ITGAE: variants seen among roughly 807,000 people sequenced by gnomAD.
ITGAE encodes the protein integrin alpha-E.
A neutral mutation model predicts 136.5 loss-of-function variants in ITGAE; 99 were observed. That is an observed-to-expected ratio of 0.73 (90% CI 0.62 to 0.86). ITGAE has a LOEUF of 0.86. Ranked by LOEUF, ITGAE falls within the 40% of genes least tolerant of loss-of-function variation. ITGAE has a pLI of 0.00. For missense variants in ITGAE, 1,447 were observed against 1,515.3 expected, an observed-to-expected ratio of 0.95 and a Z score of 0.75; for synonymous variants, 613 against 591.8, an observed-to-expected ratio of 1.04 and a Z score of -0.52.
intron 12 of ITGAE, chr17:3,754,803 T>A: frequency 3.9e-6 from 1 of 259,076 alleles, no homozygotes. Context: ...GGCCCCGCCC[T>A]CACCCAGGTG....
intron 29 of ITGAE, among the ~76,000 whole-genome samples, chr17:3,718,537 G>A (rs915906826): frequency 1.3e-5 from 2 of 152,306 alleles, no homozygotes; most frequent in Admixed American, 1.3e-4. Context: ...CTTTCTTGTG[G>A]CTGAAATGCA....
In ITGAE at chr17:3,756,926, G is replaced by T. The variant is rs148700647; in HGVS notation, c.1171+58C>A. On this transcript the variant is annotated intron_variant, in intron 10 of 30. Transcript: ENST00000263087. ...GAAACCACATGAAGATGGGACAGAG[G>T]CCGGGCTGGAGCATAGGCTCGGGCC... 8.1e-4 allele frequency: 1,256 copies of T among 1,559,672 alleles called. 14 individuals carry two copies. In the African/African-American group the frequency reaches 0.014, roughly 17 times the overall value.
Position 3,761,458 on chromosome 17 carries a change from A to G in ITGAE, c.378T>C (p.Cys126=), listed in dbSNP as rs1433784411. 2 of 1,613,988 alleles carry G rather than the reference A, an allele frequency of 1.2e-6. No individual in the cohort carries two copies. The highest frequency in any genetic ancestry group is 2.7e-5 in the African/African-American group (2 of 74,964). Residue 126 remains cysteine, a synonymous_variant, in exon 5 of 31, where the codon TGT becomes TGC. Transcript: ENST00000263087. ...HSLSSELTGT[C]SLLGPDLRPQ... ...GACGGAGGTCAGGGCCCAGGAGGCTACAGGTGCCTGTGAGTTCTGAGCTGA... is the reference window on the plus strand; with the variant it reads ...GACGGAGGTCAGGGCCCAGGAGGCTGCAGGTGCCTGTGAGTTCTGAGCTGA...
At chr17:3,729,742 G>A (rs1314047131) in intron 23 of ITGAE, 187 bp from the exon 24 acceptor site, 4 of 543,334 alleles carry the variant, frequency 7.4e-6, no homozygotes, top group African/African-American at 5.7e-5. Context: ...TTACAGGCGT[G>A]AGCCACCATA....
Position 3,725,573 on chromosome 17 carries a change from C to T in ITGAE, c.3085-1829G>A, listed in dbSNP as rs146710070. The stretch of plus-strand genomic sequence containing the variant: ...TCTCCAAAGAGTTGAGCCTCTTATC[C>T]GGTGAAGTGTGCAACCGCACAGAAG... On this transcript the variant is annotated intron_variant, in intron 26 of 30. Transcript: ENST00000263087. 64 of 1,614,076 alleles carry T rather than the reference C, an allele frequency of 4.0e-5. No individual in the cohort carries two copies. The African/African-American group carries it at 6.1e-4, about 15-fold the overall frequency.
chr17:3,724,507 C>T lies in ITGAE; in HGVS notation c.3085-763G>A, dbSNP rs760906610. On this transcript the variant is annotated intron_variant, in intron 26 of 30. Transcript: ENST00000263087. ...AGGGACAGTGTCATCTCGATCGGCA[C>T]CTCCGCCTGTCTGGTTGCAGCCTCA... 6 of 1,614,054 alleles carry T rather than the reference C, an allele frequency of 3.7e-6. No homozygotes were observed. The highest frequency in any genetic ancestry group is 5.1e-6 in the Non-Finnish European group (6 of 1,180,030).
Position 3,753,908 on chromosome 17 carries a change from G to GC in ITGAE, c.1401dup (p.Leu468AlafsTer24). 6.2e-7 allele frequency: 1 copy of GC among 1,614,066 alleles called. No individual in the cohort carries two copies. Among genetic ancestry groups the GC allele is most frequent in the East Asian group, 2.2e-5 (1 of 44,884 alleles). The stretch of plus-strand genomic sequence containing the variant: ...TAGGAGAGGCTGCAGGTCTTGTGCA[G>GC]CACGGCCACAGCGTAACCTGGGGCA... On this transcript the variant is annotated frameshift_variant, in exon 13 of 31. Transcript: ENST00000263087. LOFTEE classifies it high-confidence loss of function.
rs935811350 is a variant in ITGAE, at chr17:3,729,543, T to C, written c.2847A>G (p.Arg949=). The part of the protein sequence containing the change: ...ITVTVTNSNE[R]RSLANETHTL... Reference sequence around the variant, plus strand: ...TGTGGGTCTCGTTGGCCAAAGACCGTCTTTCATTGGAACTAGGAATAAGAG... The same window carrying C: ...TGTGGGTCTCGTTGGCCAAAGACCGCCTTTCATTGGAACTAGGAATAAGAG... Residue 949 remains arginine, a synonymous_variant, in exon 24 of 31, where the codon AGA becomes AGG. Transcript: ENST00000263087. The C allele has an allele frequency of 6.3e-7, 1 of 1,586,898 alleles. No individual in the cohort carries two copies. The highest frequency in any genetic ancestry group is 1.4e-5 in the African/African-American group (1 of 72,568).
In ITGAE at chr17:3,798,559, A is replaced by T. The variant is rs1204667774; in HGVS notation, c.34+2552T>A. On this transcript the variant is annotated intron_variant, in intron 1 of 30. Transcript: ENST00000263087. The surrounding 1 kb of genome is among the most constrained non-coding windows in gnomAD (Gnocchi z 4.3). ...CTTCAGAGCCCACCTCAGATGCTAC[A>T]GTCTCCCACTCCCCAAGGACTGAGG... is the stretch of plus-strand genomic sequence containing the variant. Among the ~76,000 whole-genome samples the T allele has an allele frequency of 6.6e-6, 1 of 152,080 alleles. No individual in the cohort carries two copies. Among genetic ancestry groups the T allele is most frequent in the Admixed American group, 6.5e-5 (1 of 15,286 alleles).
At chr17:3,765,811 TG>T (rs1567544251) in intron 2 of ITGAE, among the ~76,000 whole-genome samples, 1 of 152,258 alleles carries the variant, frequency 6.6e-6, no homozygotes, top group African/African-American at 2.4e-5. Flanking sequence ...CACCAGGATC[TG>T]GGGGCTGGGT....
intron 19 of ITGAE, among the ~76,000 whole-genome samples, chr17:3,742,655 A>G (rs1200853968): frequency 1.3e-5 from 2 of 150,774 alleles, no homozygotes; most frequent in Non-Finnish European, 3.0e-5. Flanking sequence ...TTTATTTTTT[A>G]TTTTTTTGAG....
chr17:3,729,414 A>G, intron 24 of ITGAE, 64 bp downstream of exon 24: 1 of 987,032 alleles, frequency 1.0e-6, no homozygotes, highest in Non-Finnish European at 1.6e-6. Flanking sequence ...TCTACGAGAG[A>G]GAGCCCAAAG....
intron 1 of ITGAE, among the ~76,000 whole-genome samples, chr17:3,797,043 TCA>T (rs2053121923): frequency 6.7e-6 from 1 of 150,136 alleles, no homozygotes; most frequent in Admixed American, 6.6e-5. Flanking sequence ...ACCCCAAACC[TCA>T]CAGTCAGCTG....
At chr17:3,739,700 G>C (rs1297077983) in intron 20 of ITGAE, 105 bp downstream of exon 20, 1 of 942,524 alleles carries the variant, frequency 1.1e-6, no homozygotes, top group Non-Finnish European at 1.7e-6. Flanking sequence ...TGTGGGCCAC[G>C]GGGAGAGGGG....
chr17:3,761,037 C>A lies in ITGAE; in HGVS notation c.574G>T (p.Glu192Ter), dbSNP rs2143098735. 1 of 1,603,306 alleles carries A rather than the reference C, an allele frequency of 6.2e-7. No homozygotes were observed. Among genetic ancestry groups the A allele is most frequent in the East Asian group, 2.2e-5 (1 of 44,820 alleles). The change falls in exon 6 of 31, where the codon GAA (glutamate) becomes TAA (stop). Residue 192 changes from glutamate to a stop codon, truncating the protein, a stop_gained. Coordinates refer to ENST00000263087, the MANE Select transcript of ITGAE (RefSeq NM_002208.5). LOFTEE classifies it high-confidence loss of function. ...KEEEEDKEEEEDEEEEEAGTE... is the reference protein window; with the variant it reads ...KEEEEDKEEE ...CCAGCTTCCTCCTCCTCCTCGTCTT[C>A]CTCCTCCTCCTTGTCTTCCTCCTCC...
rs2051430241 is a variant in ITGAE at position 3,735,013 on chromosome 17, A to G, written c.2523-64T>C. On this transcript the variant is annotated intron_variant, in intron 20 of 30. Coordinates refer to ENST00000263087, the MANE Select transcript of ITGAE (RefSeq NM_002208.5). ...ATCTGTAAAAACCTCAACGCAATAC[A>G]ATAGGACATTCACCGAGGCTAGAGC... 1.0e-5 allele frequency: 16 copies of G among 1,571,832 alleles called. No individual in the cohort carries two copies. The South Asian group carries it at 1.7e-4, about 16-fold the overall frequency.
chr17:3,721,019 TCCAGGCTCAA>T (rs2051038643), intron 28 of ITGAE, among the ~76,000 whole-genome samples: 1 of 151,994 alleles, frequency 6.6e-6, no homozygotes, highest in Non-Finnish European at 1.5e-5. Flanking sequence ...GCCTCAACCT[TCCAGGCTCAA>T]GTGATCCTCC....
chr17:3,774,787 G>A (rs535327133), intron 2 of ITGAE, among the ~76,000 whole-genome samples: 1 of 152,008 alleles, frequency 6.6e-6, no homozygotes, highest in African/African-American at 2.4e-5. Context: ...AATAGGTAAA[G>A]AAATAAATAA....
intron 20 of ITGAE, 94 bp from the exon 21 acceptor site, chr17:3,735,043 T>G: frequency 2.1e-6 from 3 of 1,422,406 alleles, no homozygotes; most frequent in Non-Finnish European, 2.9e-6. Flanking sequence ...TAGAGCGTGG[T>G]GCTGTGGTGC....
Sources: allele counts gnomAD v4.1 joint callset (sites outside exome capture counted in the v4.1 genomes callset), GRCh38; gene constraint gnomAD v4.1.1; non-coding constraint Gnocchi (gnomAD v3.1); transcripts MANE v1.5; gene names NCBI Gene and HGNC (gene_info 2026-07-23, HGNC 2026-07-21).